The following MAGI1 variants were observed in gnomAD, a reference collection of about 807,000 sequenced individuals.
MAGI1 encodes membrane associated guanylate kinase, WW and PDZ domain containing 1.
In MAGI1, 58 loss-of-function variants were observed where a neutral mutation model predicts 139.9. The observed-to-expected ratio is 0.41, with a 90% CI of 0.34 to 0.52. MAGI1 has a LOEUF of 0.52. MAGI1 is among the 20% of genes least tolerant of loss of function. MAGI1 has a pLI of 0.12. For missense variants in MAGI1, 1,874 were observed against 1,901.6 expected (o/e 0.99, Z 0.27); for synonymous variants, 812 against 737.9 (o/e 1.10, Z -1.63).
chr3:65,935,831 T>C (rs2063024224), intron 1 of MAGI1, among the ~76,000 whole-genome samples: 1 of 152,006 alleles, frequency 6.6e-6, no homozygotes, highest in African/African-American at 2.4e-5. Context: ...TGGAGGAAAA[T>C]AAACCATTGT....
chr3:65,552,428 G>A (rs1046514263), intron 2 of MAGI1, among the ~76,000 whole-genome samples: 11 of 152,150 alleles, frequency 7.2e-5, no homozygotes, highest in Non-Finnish European at 1.0e-4. Flanking sequence ...AGAAGCTTCC[G>A]TTTAATACAG....
chr3:65,450,855 CA>C (rs1948992430), intron 6 of MAGI1, among the ~76,000 whole-genome samples: 1 of 152,134 alleles, frequency 6.6e-6, no homozygotes. Flanking sequence ...AATACAGGGA[CA>C]ATATTTGCAA....
intron 1 of MAGI1, among the ~76,000 whole-genome samples, chr3:65,699,734 G>C (rs2107605135): frequency 8.6e-6 from 1 of 115,698 alleles, no homozygotes; most frequent in Non-Finnish European, 1.7e-5. Context: ...TGGTGGGGTG[G>C]GGGGAGGGGG....
intron 1 of MAGI1, among the ~76,000 whole-genome samples, chr3:65,916,848 G>GA (rs2061932369): frequency 1.3e-5 from 2 of 151,848 alleles, no homozygotes; most frequent in South Asian, 4.2e-4. Context: ...ACCAAATAAT[G>GA]AAATAATGAG....
At chr3:65,901,022 A>G (rs539505568) in intron 1 of MAGI1, among the ~76,000 whole-genome samples, 1 of 152,368 alleles carries the variant, frequency 6.6e-6, no homozygotes, top group East Asian at 1.9e-4. Context: ...GATAAGGTTC[A>G]AAGTCTTAGT....
chr3:65,664,176 G>C (rs138917326), intron 1 of MAGI1, among the ~76,000 whole-genome samples: 2 of 152,198 alleles, frequency 1.3e-5, no homozygotes, highest in African/African-American at 4.8e-5. Context: ...ATATTTCACA[G>C]AATGCTCATA....
Position 65,411,120 on chromosome 3 carries a change from C to T in MAGI1, c.2168-9650G>A, listed in dbSNP as rs375565926. On this transcript the variant is annotated intron_variant, in intron 12 of 22. Coordinates refer to ENST00000402939, the MANE Select transcript of MAGI1 (RefSeq NM_001033057.2). Reference sequence around the variant, plus strand: ...TTTCTACCCTAGGTAATATTCCTACCAAGATCTACTTTTTAAGGGTAGAAT... The same window carrying T: ...TTTCTACCCTAGGTAATATTCCTACTAAGATCTACTTTTTAAGGGTAGAAT... Among the ~76,000 whole-genome samples the T allele has an allele frequency of 7.2e-5, 11 of 152,228 alleles. No homozygotes were observed. The South Asian group carries it at 1.7e-3, about 23-fold the overall frequency.
intron 1 of MAGI1, among the ~76,000 whole-genome samples, chr3:65,806,741 T>C (rs1376898492): frequency 6.6e-6 from 1 of 152,214 alleles, no homozygotes; most frequent in Non-Finnish European, 1.5e-5. Context: ...ATCTGAAAAT[T>C]AGTTTATATC....
At chr3:65,994,319 G>C (rs1009436211) in intron 1 of MAGI1, among the ~76,000 whole-genome samples, 2 of 149,640 alleles carry the variant, frequency 1.3e-5, no homozygotes, top group Non-Finnish European at 3.0e-5. Context: ...GCATGAAAGT[G>C]AGTGGTTCCA....
intron 1 of MAGI1, among the ~76,000 whole-genome samples, chr3:65,956,786 T>G (rs912578671): frequency 5.3e-5 from 8 of 151,794 alleles, no homozygotes; most frequent in African/African-American, 1.9e-4. Context: ...CCACTTGAGG[T>G]CAGAAGTTCA....
chr3:65,593,280 C>G (rs891510078), intron 2 of MAGI1, among the ~76,000 whole-genome samples: 2 of 152,154 alleles, frequency 1.3e-5, no homozygotes, highest in African/African-American at 4.8e-5. Flanking sequence ...TGTCTTATAG[C>G]CAAGTTATTT....
At chr3:65,937,852 C>T (rs1320299783) in intron 1 of MAGI1, among the ~76,000 whole-genome samples, 1 of 151,874 alleles carries the variant, frequency 6.6e-6, no homozygotes, top group Non-Finnish European at 1.5e-5. Flanking sequence ...ATGATTACTC[C>T]AGCCCAAATA....
intron 1 of MAGI1, among the ~76,000 whole-genome samples, chr3:65,730,859 G>A (rs1576919574): frequency 6.6e-6 from 1 of 151,920 alleles, no homozygotes; most frequent in African/African-American, 2.4e-5. Flanking sequence ...TGTCAGAGCT[G>A]TAGAACAGAA....
At chr3:65,824,033 C>T (rs183679421) in intron 1 of MAGI1, among the ~76,000 whole-genome samples, 238 of 152,292 alleles carry the variant, frequency 1.6e-3, no homozygotes, top group African/African-American at 5.4e-3. Flanking sequence ...AAATCTATTT[C>T]CTAGAGTTCC....
At chr3:65,982,551 C>A (rs1176059141) in intron 1 of MAGI1, among the ~76,000 whole-genome samples, 1 of 152,128 alleles carries the variant, frequency 6.6e-6, no homozygotes, top group African/African-American at 2.4e-5. Context: ...AATATCAATA[C>A]CTAATAAATC....
At chr3:65,919,434 G>A (rs568380836) in intron 1 of MAGI1, among the ~76,000 whole-genome samples, 2 of 151,838 alleles carry the variant, frequency 1.3e-5, no homozygotes, top group Non-Finnish European at 2.9e-5. Context: ...AGTGGCGCAC[G>A]CTCCTGTGGT....
At chr3:65,566,660 T>C (rs771403295) in intron 2 of MAGI1, among the ~76,000 whole-genome samples, 7 of 152,210 alleles carry the variant, frequency 4.6e-5, no homozygotes, top group Admixed American at 1.3e-4. Context: ...ATGTGGATCA[T>C]ATAATTGTGT....
chr3:65,867,637 G>A (rs1323317752), intron 1 of MAGI1, among the ~76,000 whole-genome samples: 1 of 152,134 alleles, frequency 6.6e-6, no homozygotes. Context: ...GTGGGGGCGA[G>A]AGGAGGTGGT....
chr3:65,413,509 T>C (rs1378956623), intron 12 of MAGI1, among the ~76,000 whole-genome samples: 2 of 152,136 alleles, frequency 1.3e-5, no homozygotes, highest in African/African-American at 4.8e-5. Context: ...GCCCCATTCA[T>C]CTCCCATGGA....
Sources: gnomAD v4.1 joint callset for allele counts (sites outside exome capture counted in the v4.1 genomes callset) on GRCh38, gnomAD v4.1.1 for gene constraint, MANE v1.5 for transcripts, NCBI Gene and HGNC (gene_info 2026-07-23, HGNC 2026-07-21) for gene names.